MMS19: variants seen among roughly 807,000 people sequenced by gnomAD.
MMS19 encodes MMS19 cytosolic iron-sulfur assembly component.
MMS19 carries 77 observed loss-of-function variants against 129.8 expected under a neutral mutation model. The observed-to-expected ratio is 0.59, with a 90% CI of 0.49 to 0.72. MMS19 has a LOEUF of 0.72. MMS19 is among the 30% of genes least tolerant of loss of function. The pLI is 0.00. For missense variants in MMS19, 1,168 were observed against 1,266.3 expected (o/e 0.92, Z 1.18); for synonymous variants, 491 against 502.8 (o/e 0.98, Z 0.31).
Position 97,459,714 on chromosome 10 carries a change from A to G in MMS19, c.2684T>C (p.Leu895Pro). The G allele has an allele frequency of 1.2e-6, 2 of 1,612,424 alleles. No individual in the cohort carries two copies. The highest frequency in any genetic ancestry group is 8.5e-7 in the Non-Finnish European group (1 of 1,179,216). Residue 895 changes from leucine to proline, a missense_variant, in exon 27 of 31, where the codon CTT (leucine) becomes CCT (proline). By Grantham distance (98) the Leu-to-Pro change is moderately conservative. This residue lies in a region of MMS19 where 831 missense variants were observed against 910.8 expected (regional missense o/e 0.91). Coordinates refer to ENST00000438925, the MANE Select transcript of MMS19 (RefSeq NM_022362.5). ...QDVKPNYLKG[L>P]SHVLNRLPKP... ...GGGCAGCCTGTTAAGTACATGAGAA[A>G]GACCCTTCAAGTAGTTTGGCTTCAC...
intron 1 of MMS19, among the ~76,000 whole-genome samples, chr10:97,495,058 G>C (rs1239895049): frequency 1.3e-5 from 2 of 152,218 alleles, no homozygotes; most frequent in African/African-American, 4.8e-5. Context: ...GATGCTGTCT[G>C]GCTGGGTTAA....
At position 97,496,024 on chromosome 10, in the gene MMS19, G is replaced by A. The variant is rs528708721; in HGVS notation, c.112+2249C>T. ...TCAAACTCCTGGGCTCAAGCAATCC[G>A]CCTACCTTGTTCTCTCAAAGTGTTG... On this transcript the variant is annotated intron_variant, in intron 1 of 30. Coordinates refer to ENST00000438925, the MANE Select transcript of MMS19 (RefSeq NM_022362.5). 3.3e-5 allele frequency among the ~76,000 whole-genome samples: 5 copies of A among 152,130 alleles called. No homozygotes were observed. The East Asian group carries it at 5.8e-4, about 18-fold the overall frequency.
chr10:97,459,152 C>T, intron 29 of MMS19, 71 bp downstream of exon 29: 4 of 1,495,920 alleles, frequency 2.7e-6, no homozygotes, highest in Non-Finnish European at 3.6e-6. Flanking sequence ...GCCCACCTGA[C>T]TAAGGCAAAA....
chr10:97,482,767 C>T (rs866673633), intron 2 of MMS19, among the ~76,000 whole-genome samples: 4 of 136,388 alleles, frequency 2.9e-5, no homozygotes, highest in East Asian at 2.3e-4. Context: ...CACACACACA[C>T]ATATATTTTT....
Position 97,467,603 on chromosome 10 carries a change from A to C in MMS19, c.1219-20T>G. 6.2e-7 allele frequency: 1 copy of C among 1,609,484 alleles called. No individual in the cohort carries two copies. Among genetic ancestry groups the C allele is most frequent in the Non-Finnish European group, 8.5e-7 (1 of 1,176,256 alleles). On this transcript the variant is annotated intron_variant, in intron 13 of 30. Transcript: ENST00000438925. Reference sequence around the variant, plus strand: ...GCTGCTCTGTAACGTTTCAAGGGGTACTAGAGTCAAAGAATATTTTAAAGG... The same window carrying C: ...GCTGCTCTGTAACGTTTCAAGGGGTCCTAGAGTCAAAGAATATTTTAAAGG...
chr10:97,466,408 G>T, intron 16 of MMS19, 96 bp downstream of exon 16: 1 of 1,032,806 alleles, frequency 9.7e-7, no homozygotes, highest in Non-Finnish European at 1.5e-6. Context: ...GAGAGCCAAG[G>T]GTCAGAAGCA....
intron 3 of MMS19, 138 bp downstream of exon 3, chr10:97,480,804 G>A (rs1278637274): frequency 1.0e-5 from 7 of 692,166 alleles, no homozygotes; most frequent in African/African-American, 1.8e-5. Context: ...ACATATACCA[G>A]TGAGGAATGA....
intron 1 of MMS19, among the ~76,000 whole-genome samples, chr10:97,488,530 A>T (rs953902270): frequency 6.6e-5 from 10 of 152,228 alleles, no homozygotes; most frequent in African/African-American, 2.2e-4. Context: ...CAAGACCCTT[A>T]TATAAAATGG....
chr10:97,466,651 T>C, intron 15 of MMS19, 66 bp from the exon 16 acceptor site: 1 of 1,577,512 alleles, frequency 6.3e-7, no homozygotes, highest in Non-Finnish European at 8.7e-7. Flanking sequence ...CCTTCTAAGC[T>C]CTTATTAGAA....
chr10:97,460,015 A>T, intron 26 of MMS19, 31 bp downstream of exon 26: 1 of 1,606,736 alleles, frequency 6.2e-7, no homozygotes, highest in Non-Finnish European at 8.5e-7. Flanking sequence ...AGAGATGTGT[A>T]TATGTGGGGA....
chr10:97,458,758 G>T (rs375774020), intron 30 of MMS19, 39 bp from the exon 31 acceptor site: 1 of 1,613,164 alleles, frequency 6.2e-7, no homozygotes. Context: ...TAGTGATGAG[G>T]CTCATCTTGG....
At chr10:97,485,820 G>T (rs1033349303) in intron 1 of MMS19, among the ~76,000 whole-genome samples, 2 of 152,232 alleles carry the variant, frequency 1.3e-5, no homozygotes, top group Non-Finnish European at 2.9e-5. Flanking sequence ...AAAGACAAGA[G>T]ATAACAAGTG....
Position 97,466,047 on chromosome 10 carries a change from A to C in MMS19, c.1606+12T>G. On this transcript the variant is annotated intron_variant, in intron 17 of 30. Coordinates refer to ENST00000438925, the MANE Select transcript of MMS19 (RefSeq NM_022362.5). The stretch of plus-strand genomic sequence containing the variant: ...GGAAAGGGATGGGCCACAGAGGATT[A>C]GAGACACATACCTACACGCAGCTCC... 1 of 1,613,614 alleles carries C rather than the reference A, an allele frequency of 6.2e-7. No individual in the cohort carries two copies. Among genetic ancestry groups the C allele is most frequent in the East Asian group, 2.2e-5 (1 of 44,882 alleles).
chr10:97,459,023 T>C (rs2030766595), intron 29 of MMS19, 123 bp from the exon 30 acceptor site: 1 of 1,061,532 alleles, frequency 9.4e-7, no homozygotes, highest in African/African-American at 1.6e-5. Context: ...CCAAGGGATG[T>C]TAAGTGGCAG....
At position 97,469,056 on chromosome 10, in the gene MMS19, G is replaced by A. The variant is rs867256534; in HGVS notation, c.973C>T (p.Leu325Phe). The change falls in exon 12 of 31, where the codon CTC becomes TTC. Residue 325 changes from leucine (L) to phenylalanine (F), a missense_variant. Physicochemically the swap from Leu to Phe is conservative, Grantham distance 22 (BLOSUM62 0). Transcript: ENST00000438925. ...GACAAACACGCAGTCAGGGAGTGGA[G>A]GGCCGCCAGGCCCTCTGCCTCCACC... ...ERVEAEGLAA[L>F]HSLTACLSRS... 2.5e-6 allele frequency: 4 copies of A among 1,582,776 alleles called. No individual in the cohort carries two copies. Among genetic ancestry groups the A allele is most frequent in the African/African-American group, 2.7e-5 (2 of 74,280 alleles).
chr10:97,481,080 C>A, intron 2 of MMS19, 38 bp from the exon 3 acceptor site: 1 of 1,226,068 alleles, frequency 8.2e-7, no homozygotes, highest in Admixed American at 2.0e-5. Flanking sequence ...TGCAATTACC[C>A]AGTTCAAATG....
At chr10:97,470,940 C>A (rs978223072) in intron 8 of MMS19, 79 bp from the exon 9 acceptor site, 9 of 1,157,548 alleles carry the variant, frequency 7.8e-6, no homozygotes, top group Non-Finnish European at 1.0e-5. Context: ...GGTAACCCTG[C>A]AGAACAGGGT....
At chr10:97,461,786 G>C (rs752571115) in intron 22 of MMS19, 42 bp downstream of exon 22, 3 of 1,582,434 alleles carry the variant, frequency 1.9e-6, no homozygotes, top group Non-Finnish European at 2.6e-6. Flanking sequence ...GAGTCACCTT[G>C]TCAAGGTTAA....
At chr10:97,466,953 C>T (rs960103278) in intron 14 of MMS19, 52 bp from the exon 15 acceptor site, 1 of 1,608,454 alleles carries the variant, frequency 6.2e-7, no homozygotes, top group Non-Finnish European at 8.5e-7. Context: ...ATTCCATATC[C>T]CTGACTAAGC....
Sources: gnomAD v4.1 joint callset for allele counts (sites outside exome capture counted in the v4.1 genomes callset) on GRCh38, gnomAD v4.1.1 for gene constraint, gnomAD v4.1.1 regional missense constraint, MANE v1.5 for transcripts, NCBI Gene and HGNC (gene_info 2026-07-23, HGNC 2026-07-21) for gene names.